Variants in COL4A3 observed in about 807,000 individuals in gnomAD.
COL4A3 encodes collagen alpha-3(IV) chain.
A neutral mutation model predicts 217.4 loss-of-function variants in COL4A3; 135 were observed. The observed-to-expected ratio is 0.62, with a 90% CI of 0.54 to 0.72. The LOEUF (loss-of-function observed/expected upper bound fraction) is 0.72, where lower values mean the gene tolerates loss of function less well. COL4A3 is among the 30% of genes least tolerant of loss of function. COL4A3 has a pLI of 0.00. For missense variants in COL4A3, 1,868 were observed against 2,119.9 expected (o/e 0.88, Z 2.33); for synonymous variants, 690 against 736.3 (o/e 0.94, Z 1.02).
intron 18 of COL4A3, among the ~76,000 whole-genome samples, chr2:227,258,975 G>T (rs780249678): frequency 1.1e-4 from 16 of 150,324 alleles, no homozygotes; most frequent in Admixed American, 4.0e-4. Flanking sequence ...CAAAGTAATT[G>T]ATCCATCTAG....
At chr2:227,202,916 CATATATGTGT>C (rs1176307308) in intron 1 of COL4A3, among the ~76,000 whole-genome samples, 277 of 15,946 alleles carry the variant, frequency 0.017, 23 homozygotes, top group Non-Finnish European at 0.021. Flanking sequence ...TGTATATATA[CATATATGTGT>C]ATATATGTGT....
chr2:227,219,207 G>A (rs1047487204), intron 1 of COL4A3, among the ~76,000 whole-genome samples: 10 of 151,892 alleles, frequency 6.6e-5, no homozygotes, highest in African/African-American at 2.4e-4. Context: ...CTCCATGTTG[G>A]TCAGGCTGGT....
rs73993954 is a variant in COL4A3 at position 227,308,780 on chromosome 2, T to G, written c.4463-119T>G. The G allele has an allele frequency of 0.04, 42,299 of 1,055,694 alleles. 1,194 individuals are homozygous for G. The highest frequency in any genetic ancestry group is 0.097 in the African/African-American group (6,210 of 64,190). 65.4% of individuals were successfully genotyped at this position (1,055,694 alleles called of 1,614,324 possible). On this transcript the variant is annotated intron_variant, in intron 48 of 51. Coordinates refer to ENST00000396578, the MANE Select transcript of COL4A3 (RefSeq NM_000091.5). ...ATACTACATTTTGCAGATAACTCTT[T>G]TGTGTTGTCTTTGTCCAGCTTTTGC... is the stretch of plus-strand genomic sequence containing the variant.
rs916061232 is a variant in COL4A3, at chr2:227,282,612, C to G, written c.2656+80C>G. ...GCTCTGTCAACTGTACATAGGCATA[C>G]GCTTTTTACTCTATGCTTTTACTTA... is the stretch of plus-strand genomic sequence containing the variant. On this transcript the variant is annotated intron_variant, in intron 32 of 51. Coordinates refer to ENST00000396578, the MANE Select transcript of COL4A3 (RefSeq NM_000091.5). The surrounding 1 kb of genome is among the most constrained non-coding windows in gnomAD (Gnocchi z 4.4). The G allele has an allele frequency of 5.6e-6, 7 of 1,245,416 alleles. No homozygotes were observed. The highest frequency in any genetic ancestry group is 8.2e-6 in the Non-Finnish European group (7 of 849,130). 77.1% of individuals were successfully genotyped at this position (1,245,416 alleles called of 1,614,324 possible).
chr2:227,253,377 T>G lies in COL4A3; in HGVS notation c.687+40T>G. The G allele has an allele frequency of 6.2e-7, 1 of 1,601,052 alleles. No homozygotes were observed. Among genetic ancestry groups the G allele is most frequent in the Non-Finnish European group, 8.6e-7 (1 of 1,168,100 alleles). On this transcript the variant is annotated intron_variant, in intron 12 of 51. Coordinates refer to ENST00000396578, the MANE Select transcript of COL4A3 (RefSeq NM_000091.5). This position sits in a 1 kb window ranked among gnomAD's most constrained non-coding sequence, Gnocchi z 4.4. ...ATGTTTTATTAGCAGGCGAGATATT[T>G]TATGTCCCAGAGCATATCAGCCTAT...
At position 227,254,666 on chromosome 2, in the gene COL4A3, G is replaced by T. The variant is rs551480904; in HGVS notation, c.839G>T (p.Gly280Val). The change falls in exon 15 of 52, where the codon GGA (glycine) becomes GTA (valine). Residue 280 changes from glycine (G) to valine (V), a missense_variant. This residue lies in a region of COL4A3 where 1,503 missense variants were observed against 1,786.1 expected (regional missense o/e 0.84). Coordinates refer to ENST00000396578, the MANE Select transcript of COL4A3 (RefSeq NM_000091.5). ...PGPPGPSGLP[G>V]ESYGSEKGAP... ...CTCTAATTAATACAGGGACTGCCTG[G>T]AGAATCATATGGATCTGAAAAGGGT... 6.2e-7 allele frequency: 1 copy of T among 1,612,774 alleles called. No homozygotes were observed. Among genetic ancestry groups the T allele is most frequent in the South Asian group, 1.1e-5 (1 of 91,054 alleles).
At position 227,191,431 on chromosome 2, in the gene COL4A3, A is replaced by G. The variant is rs553677235; in HGVS notation, c.87+26618A>G. On this transcript the variant is annotated intron_variant, in intron 1 of 51. Transcript: ENST00000396578. This position sits in a 1 kb window ranked among gnomAD's most constrained non-coding sequence, Gnocchi z 6.8. ...ATAAAGAAAGCTAAGAAGTGTTTTG[A>G]AAAGCAGTTCACAAAATCACTCTTT... Among the ~76,000 whole-genome samples the G allele has an allele frequency of 3.3e-4, 51 of 152,324 alleles. No individual in the cohort carries two copies. Among genetic ancestry groups the G allele is most frequent in the African/African-American group, 1.2e-3 (48 of 41,574 alleles).
At chr2:227,260,001 T>C (rs2070446287) in intron 19 of COL4A3, 124 bp downstream of exon 19, 3 of 791,314 alleles carry the variant, frequency 3.8e-6, no homozygotes, top group Non-Finnish European at 4.6e-6. Flanking sequence ...TCTCTTCATT[T>C]TCATAAAGGT....
chr2:227,232,063 T>G (rs1330723262), intron 1 of COL4A3, among the ~76,000 whole-genome samples: 2 of 152,206 alleles, frequency 1.3e-5, no homozygotes, highest in African/African-American at 4.8e-5. Context: ...ATACAATGTT[T>G]GTCTTTCTGT....
chr2:227,251,242 A>T, intron 10 of COL4A3, 40 bp downstream of exon 10: 1 of 1,593,304 alleles, frequency 6.3e-7, no homozygotes, highest in Non-Finnish European at 8.6e-7. Flanking sequence ...TCTGTCAACT[A>T]ATAGATTCAT....
In COL4A3 at chr2:227,250,823, T is replaced by C. The variant is rs924839680; in HGVS notation, c.547-317T>C. On this transcript the variant is annotated intron_variant, in intron 9 of 51. Coordinates refer to ENST00000396578, the MANE Select transcript of COL4A3 (RefSeq NM_000091.5). The surrounding 1 kb of genome is among the most constrained non-coding windows in gnomAD (Gnocchi z 4.1). ...GGTGGCAGGCCCTAACGTAGGAGCATGCTTGGCCAAAATGAGAGAGAAAGG... is the reference window on the plus strand; with the variant it reads ...GGTGGCAGGCCCTAACGTAGGAGCACGCTTGGCCAAAATGAGAGAGAAAGG... Among the ~76,000 whole-genome samples, 10 of 151,948 alleles carry C rather than the reference T, an allele frequency of 6.6e-5. No homozygotes were observed. The highest frequency in any genetic ancestry group is 2.0e-4 in the Admixed American group (3 of 15,232).
At chr2:227,214,986 G>A (rs1285018066) in intron 1 of COL4A3, among the ~76,000 whole-genome samples, 5 of 152,160 alleles carry the variant, frequency 3.3e-5, no homozygotes, top group Admixed American at 2.6e-4. Flanking sequence ...ACTCATTCTT[G>A]AATGTCTGAA....
At chr2:227,269,842 T>C in intron 23 of COL4A3, 68 bp from the exon 24 acceptor site, 1 of 1,307,738 alleles carries the variant, frequency 7.6e-7, no homozygotes, top group South Asian at 1.2e-5. Context: ...TCTTCATACA[T>C]TGTATTACCC....
At chr2:227,305,469 A>C (rs1283619499) in intron 47 of COL4A3, 1 of 178,588 alleles carries the variant, frequency 5.6e-6, no homozygotes, top group African/African-American at 2.4e-5. Flanking sequence ...CCTTGGTATG[A>C]GTAGAAGAGC....
intron 3 of COL4A3, among the ~76,000 whole-genome samples, chr2:227,241,531 A>G (rs560889053): frequency 1.3e-5 from 2 of 152,064 alleles, no homozygotes; most frequent in East Asian, 3.9e-4. Flanking sequence ...AAAATTAGCC[A>G]GGTGTGGTGG....
chr2:227,259,488 T>C (rs1005488195), intron 18 of COL4A3, among the ~76,000 whole-genome samples: 1 of 152,224 alleles, frequency 6.6e-6, no homozygotes, highest in Admixed American at 6.5e-5. Flanking sequence ...TATACACACA[T>C]ACATAGGTAT....
intron 23 of COL4A3, 138 bp from the exon 24 acceptor site, chr2:227,269,772 T>C: frequency 2.8e-6 from 2 of 707,692 alleles, no homozygotes; most frequent in Non-Finnish European, 5.1e-6. Context: ...CATTCTCTTA[T>C]TGCATTTATG....
chr2:227,280,641 G>A (rs1431639506), intron 30 of COL4A3, 51 bp downstream of exon 30: 1 of 1,591,672 alleles, frequency 6.3e-7, no homozygotes, highest in Admixed American at 1.7e-5. Context: ...CTGCTAAAAT[G>A]CAGCAAACTG....
At chr2:227,220,883 T>C (rs2067752213) in intron 1 of COL4A3, among the ~76,000 whole-genome samples, 1 of 152,236 alleles carries the variant, frequency 6.6e-6, no homozygotes. Context: ...ATTTATTACA[T>C]TATTCTTGAT....
Sources: allele counts gnomAD v4.1 joint callset (sites outside exome capture counted in the v4.1 genomes callset), GRCh38; gene constraint gnomAD v4.1.1; regional missense constraint gnomAD v4.1.1; non-coding constraint Gnocchi (gnomAD v3.1); transcripts MANE v1.5; gene names NCBI Gene and HGNC (gene_info 2026-07-23, HGNC 2026-07-21).